The following EEF2K variants were observed in gnomAD, a reference collection of about 807,000 sequenced individuals.
EEF2K encodes the protein eukaryotic elongation factor 2 kinase, also known as alternative protein EEF2K.
In EEF2K, 70 loss-of-function variants were observed where a neutral mutation model predicts 93.8. The ratio of observed to expected loss-of-function variants is 0.75; its 90% CI spans 0.62 to 0.91. EEF2K has a LOEUF of 0.91. EEF2K is among the 40% of genes least tolerant of loss of function. The pLI is 0.00. For missense variants in EEF2K, 935 were observed against 972.9 expected (o/e 0.96, Z 0.52); for synonymous variants, 376 against 380.8 (o/e 0.99, Z 0.15).
intron 1 of EEF2K, among the ~76,000 whole-genome samples, chr16:22,223,262 G>GTTTTTTTTTTTT (rs58446693): frequency 1.9e-5 from 2 of 107,474 alleles, no homozygotes; most frequent in African/African-American, 6.9e-5. Context: ...GTTTTTTTCT[G>GTTTTTTTTTTTT]TTTTTTTTTT....
chr16:22,261,590 T>C (rs2047462657), intron 11 of EEF2K, among the ~76,000 whole-genome samples: 1 of 151,150 alleles, frequency 6.6e-6, no homozygotes, highest in African/African-American at 2.4e-5. Flanking sequence ...CTCAGGAGGC[T>C]GAGGCACGAG....
chr16:22,210,310 C>A (rs980089993), intron 1 of EEF2K, among the ~76,000 whole-genome samples: 8 of 152,092 alleles, frequency 5.3e-5, no homozygotes, highest in Non-Finnish European at 1.2e-4. Context: ...GAGGAAGCAC[C>A]CGGAAGTAGG....
At chr16:22,244,510 C>T (rs2047264369) in intron 2 of EEF2K, 120 bp from the exon 3 acceptor site, 1 of 900,632 alleles carries the variant, frequency 1.1e-6, no homozygotes, top group African/African-American at 1.6e-5. Context: ...ACAGGAGTCT[C>T]TCTCTGTCCT....
chr16:22,262,691 G>A (rs1338688473), intron 11 of EEF2K, among the ~76,000 whole-genome samples: 1 of 152,156 alleles, frequency 6.6e-6, no homozygotes, highest in Non-Finnish European at 1.5e-5. Context: ...GAATGTAACA[G>A]TGCATTTCAC....
At chr16:22,272,038 C>T (rs546870574) in intron 15 of EEF2K, among the ~76,000 whole-genome samples, 11 of 152,302 alleles carry the variant, frequency 7.2e-5, no homozygotes, top group Admixed American at 5.9e-4. Flanking sequence ...CAGGCATGAC[C>T]CGCTTGTTAG....
At chr16:22,226,150 T>G in intron 2 of EEF2K, among the ~76,000 whole-genome samples, 175 bp downstream of exon 2, 1 of 152,122 alleles carries the variant, frequency 6.6e-6, no homozygotes, top group East Asian at 1.9e-4. Context: ...TAAAATAAAT[T>G]TCATTACCTT....
chr16:22,250,599 G>A, intron 4 of EEF2K, 55 bp from the exon 5 acceptor site: 1 of 1,612,396 alleles, frequency 6.2e-7, no homozygotes. Context: ...CCTGTCTTAG[G>A]GTCCCTTTTG....
chr16:22,266,092 T>C (rs1329011979), intron 13 of EEF2K, among the ~76,000 whole-genome samples: 1 of 152,064 alleles, frequency 6.6e-6, no homozygotes, highest in Non-Finnish European at 1.5e-5. Context: ...CATGGTGGTA[T>C]GCACCTGTCG....
chr16:22,279,627 G>GT (rs958761837), intron 16 of EEF2K, among the ~76,000 whole-genome samples: 2 of 151,980 alleles, frequency 1.3e-5, no homozygotes, highest in Admixed American at 6.6e-5. Context: ...TATAGTCACT[G>GT]TTTTTTTGTT....
intron 2 of EEF2K, among the ~76,000 whole-genome samples, chr16:22,244,269 T>G (rs1040801444): frequency 2.1e-5 from 3 of 140,058 alleles, no homozygotes; most frequent in African/African-American, 7.9e-5. Context: ...TATATATGTA[T>G]TGTGTGTGTG....
chr16:22,240,219 T>G (rs993346719), intron 2 of EEF2K, among the ~76,000 whole-genome samples: 1 of 151,950 alleles, frequency 6.6e-6, no homozygotes, highest in African/African-American at 2.4e-5. Flanking sequence ...GCTTGAAGTC[T>G]AACAGTGGAG....
At chr16:22,274,251 A>C (rs1323304453) in intron 16 of EEF2K, among the ~76,000 whole-genome samples, 2 of 151,730 alleles carry the variant, frequency 1.3e-5, no homozygotes, top group Non-Finnish European at 2.9e-5. Flanking sequence ...GACCAGCCTG[A>C]CCAACATGGT....
chr16:22,272,698 G>A (rs1006806584), intron 15 of EEF2K, among the ~76,000 whole-genome samples: 1 of 148,930 alleles, frequency 6.7e-6, no homozygotes, highest in Non-Finnish European at 1.5e-5. Context: ...CGGTGTCTCT[G>A]TCACCCAGGT....
intron 1 of EEF2K, among the ~76,000 whole-genome samples, chr16:22,209,411 G>A (rs1322925773): frequency 1.3e-5 from 2 of 152,162 alleles, no homozygotes; most frequent in African/African-American, 4.8e-5. Flanking sequence ...GTTGTCGTCT[G>A]GTTGCCGGGA....
At chr16:22,234,348 G>A (rs1489119314) in intron 2 of EEF2K, among the ~76,000 whole-genome samples, 2 of 152,142 alleles carry the variant, frequency 1.3e-5, no homozygotes, top group African/African-American at 2.4e-5. Flanking sequence ...CCTGAGGTCA[G>A]GAGTTGGAGA....
chr16:22,257,424 G>A (rs779122530), intron 8 of EEF2K, 39 bp downstream of exon 8: 5 of 1,607,496 alleles, frequency 3.1e-6, no homozygotes, highest in South Asian at 2.2e-5. Flanking sequence ...CAGAAACCAC[G>A]CTCCCTGCTA....
intron 3 of EEF2K, among the ~76,000 whole-genome samples, 190 bp downstream of exon 3, chr16:22,244,920 A>T (rs2047271976): frequency 6.6e-6 from 1 of 152,128 alleles, no homozygotes; most frequent in South Asian, 2.1e-4. Flanking sequence ...CGTGGTTCTC[A>T]CAAGGTACCT....
rs1401835329 is a variant in EEF2K at position 22,258,518 on chromosome 16, G to A, written c.1054G>A (p.Gly352Arg). 1 of 1,613,920 alleles carries A rather than the reference G, an allele frequency of 6.2e-7. No homozygotes were observed. ...GCAATCAGCCAAGACCATCTTGAGA[G>A]GAACAGAGGAAAAATGTGGGAGCCC... ...LLQSAKTILR[G>R]TEEKCGSPQV... The change falls in exon 10 of 18, where the codon GGA (glycine) becomes AGA (arginine). Residue 352 changes from glycine to arginine, a missense_variant. Physicochemically the swap from Gly to Arg is moderately radical, Grantham distance 125. Coordinates refer to ENST00000263026, the MANE Select transcript of EEF2K (RefSeq NM_013302.5).
intron 17 of EEF2K, 125 bp from the exon 18 acceptor site, chr16:22,283,762 C>G: frequency 1.1e-6 from 1 of 881,180 alleles, no homozygotes; most frequent in Non-Finnish European, 1.8e-6. Flanking sequence ...GGAGAGGGCA[C>G]ACGGAGTAGT....
Sources: allele counts gnomAD v4.1 joint callset (sites outside exome capture counted in the v4.1 genomes callset), GRCh38; gene constraint gnomAD v4.1.1; transcripts MANE v1.5; gene names NCBI Gene and HGNC (gene_info 2026-07-23, HGNC 2026-07-21).